Variants in TUSC3 observed in about 807,000 individuals in gnomAD.
TUSC3 encodes tumor suppressor candidate 3.
TUSC3 carries 45 observed loss-of-function variants against 44.8 expected under a neutral mutation model. The observed-to-expected ratio is 1.00, with a 90% confidence interval of 0.79 to 1.29. TUSC3 has a LOEUF of 1.29. Among genes scored for constraint, TUSC3 ranks in the 50% most tolerant of loss-of-function variants. The pLI is 0.00. For missense variants in TUSC3, 519 were observed against 437.9 expected (o/e 1.19, Z -1.65); for synonymous variants, 212 against 152.9 (o/e 1.39, Z -2.85).
chr8:15,649,427 A>G (rs1335968724), intron 2 of TUSC3, among the ~76,000 whole-genome samples: 1 of 151,716 alleles, frequency 6.6e-6, no homozygotes, highest in Non-Finnish European at 1.5e-5. Context: ...TACTAAAAAT[A>G]GAAAAAATTA....
chr8:15,589,016 T>G, intron 1 of TUSC3, among the ~76,000 whole-genome samples: 1 of 152,190 alleles, frequency 6.6e-6, no homozygotes, highest in East Asian at 1.9e-4. Flanking sequence ...TCTTTTTGCT[T>G]AGGATTGTTT....
At chr8:15,559,560 T>C (rs886492949) in intron 1 of TUSC3, among the ~76,000 whole-genome samples, 1 of 141,678 alleles carries the variant, frequency 7.1e-6, no homozygotes, top group Non-Finnish European at 1.6e-5. Context: ...GGTATCCTTG[T>C]TGACTTTCTG....
the TUSC3 span, among the ~76,000 whole-genome samples, chr8:15,834,840 G>T: frequency 6.6e-6 from 1 of 152,116 alleles, no homozygotes; most frequent in African/African-American, 2.4e-5. Context: ...TTACAGTAAG[G>T]TTTATTTATA....
chr8:15,825,894 T>C, the TUSC3 span, among the ~76,000 whole-genome samples: 2 of 151,118 alleles, frequency 1.3e-5, no homozygotes, highest in Non-Finnish European at 3.0e-5. Flanking sequence ...TCTTTTTTTT[T>C]TTTTTTTTTT....
chr8:15,515,131 T>C (rs1464570336), intron 2 of TUSC3, among the ~76,000 whole-genome samples: 1 of 152,172 alleles, frequency 6.6e-6, no homozygotes, highest in Non-Finnish European at 1.5e-5. Flanking sequence ...AGTTTTGAAA[T>C]CAGAAAATGG....
Position 15,757,836 on chromosome 8 carries a change from TAA to T in TUSC3, c.*31_*32del. 7.2e-7 allele frequency: 1 copy of T among 1,387,150 alleles called. No individual in the cohort carries two copies. Among genetic ancestry groups the T allele is most frequent in the Non-Finnish European group, 1.0e-6 (1 of 973,240 alleles). 85.9% of individuals were successfully genotyped at this position (1,387,150 alleles called of 1,614,324 possible). A position where few individuals can be genotyped will look rare whatever the true frequency, so the allele number is the denominator to read the frequency against. On this transcript the variant is annotated 3_prime_UTR_variant, in exon 10 of 11. Coordinates refer to ENST00000503731, the MANE Select transcript of TUSC3 (RefSeq NM_006765.4). ...AAGATGTGATTTGGACCATGGCACT[TAA>T]AAACTCTATAACCTCAGGCAAGTCT...
intron 8 of TUSC3, 68 bp downstream of exon 8, chr8:15,743,680 A>C: frequency 6.6e-7 from 1 of 1,521,670 alleles, no homozygotes; most frequent in Non-Finnish European, 9.1e-7. Context: ...TCAAATGGGA[A>C]ATACATAAAA....
intron 6 of TUSC3, among the ~76,000 whole-genome samples, chr8:15,723,708 T>C (rs1371449969): frequency 1.3e-5 from 2 of 151,932 alleles, no homozygotes; most frequent in South Asian, 2.1e-4. Flanking sequence ...AATGTTAGAG[T>C]GGGATTTAAG....
chr8:15,635,098 T>A (rs1427735730), intron 2 of TUSC3, among the ~76,000 whole-genome samples: 1 of 151,796 alleles, frequency 6.6e-6, no homozygotes, highest in Non-Finnish European at 1.5e-5. Flanking sequence ...ACCCAGGGGA[T>A]ATATTGGTTG....
chr8:15,845,394 T>G, the TUSC3 span, among the ~76,000 whole-genome samples: 1 of 152,164 alleles, frequency 6.6e-6, no homozygotes, highest in African/African-American at 2.4e-5. Flanking sequence ...TAGAATTGTA[T>G]GAAAATTTGT....
rs577974257 is a variant in TUSC3 at position 15,765,994 on chromosome 8, C to T, written c.*1838C>T. 2.6e-4 allele frequency: 39 copies of T among 152,170 alleles called. No individual in the cohort carries two copies. Among genetic ancestry groups the T allele is most frequent in the African/African-American group, 9.4e-4 (39 of 41,544 alleles). 9.4% of individuals were successfully genotyped at this position (152,170 alleles called of 1,614,324 possible). On this transcript the variant is annotated 3_prime_UTR_variant, in exon 11 of 11. Coordinates refer to ENST00000503731, the MANE Select transcript of TUSC3 (RefSeq NM_006765.4). ...AATGATATTACAAATTATCTCTAAT[C>T]TCACTGTAAATCTTTTAATCATATC... is the stretch of plus-strand genomic sequence containing the variant.
chr8:15,714,154 A>G (rs899834463), intron 6 of TUSC3, among the ~76,000 whole-genome samples: 1 of 152,212 alleles, frequency 6.6e-6, no homozygotes, highest in Non-Finnish European at 1.5e-5. Flanking sequence ...GACAGTCTGT[A>G]TAAATTGCAT....
chr8:15,488,033 T>G lies in TUSC3; in HGVS notation n.189+4550T>G, dbSNP rs149902389. ...AGTGTGGTCTCCAAAAAGTCAATTT[T>G]CTAAGCATCAGTTTCATTATCTATA... On this transcript the variant is annotated intron_variant and non_coding_transcript_variant, in intron 2 of 5. Transcript: ENST00000503191. Among the ~76,000 whole-genome samples, 393 of 152,148 alleles carry G rather than the reference T, an allele frequency of 2.6e-3. 2 individuals carry two copies. The highest frequency in any genetic ancestry group is 8.9e-3 in the African/African-American group (371 of 41,524).
At chr8:15,690,523 T>G (rs1319940901) in intron 6 of TUSC3, among the ~76,000 whole-genome samples, 1 of 152,172 alleles carries the variant, frequency 6.6e-6, no homozygotes, top group Non-Finnish European at 1.5e-5. Context: ...CATTTGCCAA[T>G]TTTTCTTTTT....
intron 1 of TUSC3, among the ~76,000 whole-genome samples, chr8:15,563,502 A>G (rs962320780): frequency 2.0e-5 from 3 of 152,014 alleles, no homozygotes; most frequent in East Asian, 1.9e-4. Flanking sequence ...CCTGGCCAAT[A>G]TGGTGAAACC....
chr8:15,674,486 T>C (rs529921716), intron 6 of TUSC3, among the ~76,000 whole-genome samples: 164 of 152,146 alleles, frequency 1.1e-3, no homozygotes, highest in Non-Finnish European at 1.5e-3. Context: ...TCTAACCTTT[T>C]CTGCTTTTTC....
chr8:15,679,637 C>T (rs1808331734), intron 6 of TUSC3, among the ~76,000 whole-genome samples: 1 of 152,086 alleles, frequency 6.6e-6, no homozygotes, highest in African/African-American at 2.4e-5. Flanking sequence ...TTTGCAGTTG[C>T]TTTTGAAGAC....
intron 6 of TUSC3, among the ~76,000 whole-genome samples, chr8:15,705,640 A>T (rs1809585019): frequency 6.6e-6 from 1 of 152,048 alleles, no homozygotes; most frequent in South Asian, 2.1e-4. Flanking sequence ...ATCCTTGAGC[A>T]TGGCCCTATG....
chr8:15,758,406 TA>T, intron 10 of TUSC3: 1 of 331,374 alleles, frequency 3.0e-6, no homozygotes, highest in Non-Finnish European at 4.3e-6. Context: ...CATAAAAATA[TA>T]ATTTTATATG....
Sources: allele counts gnomAD v4.1 joint callset (sites outside exome capture counted in the v4.1 genomes callset), GRCh38; gene constraint gnomAD v4.1.1; transcripts MANE v1.5; gene names NCBI Gene and HGNC (gene_info 2026-07-23, HGNC 2026-07-21).